JMJD1C: variants seen among roughly 807,000 people sequenced by gnomAD.
JMJD1C encodes the protein jumonji domain containing 1C, also known as jumonji domain-containing protein 1C.
A neutral mutation model predicts 245.3 loss-of-function variants in JMJD1C; 31 were observed. That is an observed-to-expected ratio of 0.13 (90% CI 0.09 to 0.17). JMJD1C has a LOEUF of 0.17. Ranked by LOEUF, JMJD1C falls within the 10% of genes least tolerant of loss-of-function variation. The pLI is 1.00. For synonymous variants in JMJD1C, 1,057 were observed against 1,017.4 expected (o/e 1.04, Z -0.74); for missense variants, 2,691 against 3,000.2 (o/e 0.90, Z 2.41).
intron 1 of JMJD1C, among the ~76,000 whole-genome samples, chr10:63,442,881 C>T (rs1349679749): frequency 6.6e-6 from 1 of 152,158 alleles, no homozygotes; most frequent in Non-Finnish European, 1.5e-5. Context: ...TACATGATGT[C>T]TTTTCCAATA....
intron 3 of JMJD1C, among the ~76,000 whole-genome samples, chr10:63,238,189 A>AAAAAAAAAAAAG (rs986291984): frequency 2.2e-5 from 3 of 135,770 alleles, no homozygotes; most frequent in Non-Finnish European, 3.1e-5. Flanking sequence ...TCAAAAAAAA[A>AAAAAAAAAAAAG]AAAAAAGAAA....
intron 3 of JMJD1C, among the ~76,000 whole-genome samples, chr10:63,229,929 G>GT (rs1214716544): frequency 1.3e-5 from 2 of 152,282 alleles, no homozygotes; most frequent in Admixed American, 1.3e-4. Context: ...ATAGGTTTAG[G>GT]TTTTTTTCCT....
At chr10:63,422,848 T>A (rs765439449) in intron 1 of JMJD1C, among the ~76,000 whole-genome samples, 2 of 152,212 alleles carry the variant, frequency 1.3e-5, no homozygotes, top group Non-Finnish European at 2.9e-5. Flanking sequence ...TTTACAAAAA[T>A]TGTGATAAGA....
chr10:63,296,088 T>C (rs376314714), intron 2 of JMJD1C, among the ~76,000 whole-genome samples: 3 of 150,670 alleles, frequency 2.0e-5, no homozygotes, highest in African/African-American at 4.9e-5. Context: ...CTTGGCTCAC[T>C]GCAACCTCCG....
intron 3 of JMJD1C, among the ~76,000 whole-genome samples, chr10:63,226,992 T>G (rs1486810094): frequency 4.6e-5 from 7 of 152,022 alleles, no homozygotes; most frequent in African/African-American, 1.7e-4. Context: ...CCCTTGAACC[T>G]GGGAGGCAGA....
At chr10:63,299,413 A>C (rs542303294) in intron 2 of JMJD1C, among the ~76,000 whole-genome samples, 1 of 148,478 alleles carries the variant, frequency 6.7e-6, no homozygotes, top group African/African-American at 2.5e-5. Flanking sequence ...GCTGGTCTCA[A>C]ATACCTGGCC....
intron 1 of JMJD1C, among the ~76,000 whole-genome samples, chr10:63,484,116 C>T (rs1953908598): frequency 6.6e-6 from 1 of 151,922 alleles, no homozygotes; most frequent in Non-Finnish European, 1.5e-5. Flanking sequence ...GACTGGATTG[C>T]AAGCTTCCAA....
chr10:63,292,624 T>A (rs1858914775), intron 2 of JMJD1C, among the ~76,000 whole-genome samples: 1 of 150,954 alleles, frequency 6.6e-6, no homozygotes, highest in Admixed American at 6.6e-5. Flanking sequence ...AAAATAAAAA[T>A]AAAACAGGAC....
At chr10:63,444,153 T>C (rs1024622077) in intron 1 of JMJD1C, among the ~76,000 whole-genome samples, 2 of 152,258 alleles carry the variant, frequency 1.3e-5, no homozygotes, top group Non-Finnish European at 2.9e-5. Flanking sequence ...TCTGATTTCA[T>C]ATATGCATAT....
intron 2 of JMJD1C, among the ~76,000 whole-genome samples, chr10:63,305,315 C>T (rs1399284003): frequency 1.4e-5 from 2 of 148,116 alleles, no homozygotes; most frequent in African/African-American, 5.0e-5. Flanking sequence ...CTGCAGTGAG[C>T]CAAGATCATA....
At chr10:63,480,758 T>TA (rs34474669) in intron 1 of JMJD1C, among the ~76,000 whole-genome samples, 36,412 of 149,950 alleles carry the variant, frequency 0.24, 5,248 homozygotes, top group Non-Finnish European at 0.32. Context: ...ATCACTCAGT[T>TA]AAAAAAAAAA....
chr10:63,288,644 C>A (rs1368003320), intron 2 of JMJD1C, among the ~76,000 whole-genome samples: 1 of 152,026 alleles, frequency 6.6e-6, no homozygotes, highest in Non-Finnish European at 1.5e-5. Flanking sequence ...GGCTCACACC[C>A]GTAATCCCAG....
rs563261134 is a variant in JMJD1C at position 63,520,441 on chromosome 10, G to C, written n.113+1297C>G. On this transcript the variant is annotated intron_variant and non_coding_transcript_variant, in intron 1 of 3. Transcript: ENST00000633035. ...AATACTAGAATTATCTTTTACTATC[G>C]TCTTAACTGGAAAAAATAAAAATAT... Among the ~76,000 whole-genome samples the C allele has an allele frequency of 1.7e-4, 25 of 147,674 alleles. No individual in the cohort carries two copies. The East Asian group carries it at 5.0e-3, about 29-fold the overall frequency.
At chr10:63,320,237 T>C (rs1484025264) in intron 2 of JMJD1C, among the ~76,000 whole-genome samples, 1 of 152,184 alleles carries the variant, frequency 6.6e-6, no homozygotes, top group Admixed American at 6.6e-5. Context: ...TTTTTGATAT[T>C]GAGTAATTTT....
At chr10:63,282,938 G>A (rs937409117) in intron 2 of JMJD1C, among the ~76,000 whole-genome samples, 5 of 152,114 alleles carry the variant, frequency 3.3e-5, no homozygotes, top group African/African-American at 9.7e-5. Flanking sequence ...AGATGGCCTC[G>A]GTCTCCTGAC....
At chr10:63,352,002 C>A (rs907149856) in intron 2 of JMJD1C, among the ~76,000 whole-genome samples, 1 of 152,110 alleles carries the variant, frequency 6.6e-6, no homozygotes, top group Non-Finnish European at 1.5e-5. Context: ...AAATCATTCT[C>A]AAAAATCTCC....
intron 1 of JMJD1C, among the ~76,000 whole-genome samples, chr10:63,426,551 A>T (rs1270139701): frequency 6.6e-6 from 1 of 152,076 alleles, no homozygotes; most frequent in African/African-American, 2.4e-5. Context: ...CGCGCCTGTA[A>T]TCTCAGCTAC....
At chr10:63,392,879 C>CACAA (rs1948182716) in intron 1 of JMJD1C, among the ~76,000 whole-genome samples, 1 of 116,110 alleles carries the variant, frequency 8.6e-6, no homozygotes, top group South Asian at 3.2e-4. Context: ...CACACACACA[C>CACAA]ACACACACAC....
chr10:63,394,130 T>G (rs1038615697), intron 1 of JMJD1C, among the ~76,000 whole-genome samples: 3 of 145,072 alleles, frequency 2.1e-5, no homozygotes, highest in African/African-American at 7.7e-5. Flanking sequence ...GTGGTTATAG[T>G]GAGCCGAGAC....
Sources: gnomAD v4.1 joint callset for allele counts (sites outside exome capture counted in the v4.1 genomes callset) on GRCh38, gnomAD v4.1.1 for gene constraint, MANE v1.5 for transcripts, NCBI Gene and HGNC (gene_info 2026-07-23, HGNC 2026-07-21) for gene names.